Variants in LCLAT1 observed in about 807,000 individuals in gnomAD.
LCLAT1 encodes the protein 1-AGP acyltransferase 8.
A neutral mutation model predicts 30.7 loss-of-function variants in LCLAT1; 11 were observed. The ratio of observed to expected loss-of-function variants is 0.36; its 90% CI spans 0.23 to 0.59. The LOEUF is 0.59. LCLAT1 is among the 20% of genes least tolerant of loss of function. The probability of loss-of-function intolerance (pLI) is 0.77; values close to 1 mark genes in which losing one functional copy is unlikely to be tolerated. For missense variants in LCLAT1, 402 were observed against 458.6 expected (o/e 0.88, Z 1.13); for synonymous variants, 155 against 151.3 (o/e 1.02, Z -0.18).
intron 1 of LCLAT1, among the ~76,000 whole-genome samples, chr2:30,511,610 C>T (rs1406491723): frequency 1.3e-5 from 2 of 152,120 alleles, no homozygotes; most frequent in Non-Finnish European, 1.5e-5. Flanking sequence ...GATCTTGTTG[C>T]CAGCCATCTG....
intron 1 of LCLAT1, among the ~76,000 whole-genome samples, chr2:30,494,673 CT>C (rs577787239): frequency 0.028 from 3,967 of 143,654 alleles, 129 homozygotes; most frequent in African/African-American, 0.087. Context: ...CATTCTTTTA[CT>C]TTTTTTTTTT....
At chr2:30,616,212 G>A (rs549516697) in intron 5 of LCLAT1, among the ~76,000 whole-genome samples, 1 of 152,302 alleles carries the variant, frequency 6.6e-6, no homozygotes, top group African/African-American at 2.4e-5. Context: ...GGTGGAGGGA[G>A]TACTTAGCAG....
At chr2:30,582,208 C>A (rs1666238072) in intron 5 of LCLAT1, among the ~76,000 whole-genome samples, 1 of 151,576 alleles carries the variant, frequency 6.6e-6, no homozygotes, top group African/African-American at 2.4e-5. Context: ...CACCCCTGCC[C>A]CTGCCCCCCT....
rs762534567 is a variant in LCLAT1, at chr2:30,587,230, C to G, written c.628+19054C>G. ...AAGACTTCTGAGATCTCTTTTAATT[C>G]TAATATTTGATAATTTTCTGAGATT... is the stretch of plus-strand genomic sequence containing the variant. On this transcript the variant is annotated intron_variant, in intron 5 of 5. Coordinates refer to ENST00000379509, the MANE Select transcript of LCLAT1 (RefSeq NM_001002257.3). Among the ~76,000 whole-genome samples the G allele has an allele frequency of 2.4e-4, 36 of 152,264 alleles. 1 individual carries two copies. The highest frequency in any genetic ancestry group is 3.4e-3 in the Middle Eastern group (1 of 294).
intron 5 of LCLAT1, among the ~76,000 whole-genome samples, chr2:30,611,996 A>G (rs914452915): frequency 5.9e-5 from 9 of 151,906 alleles, no homozygotes; most frequent in African/African-American, 2.2e-4. Context: ...TGTCCTGTGG[A>G]TAGAAAGAAA....
chr2:30,472,188 T>G (rs935249415), intron 1 of LCLAT1, among the ~76,000 whole-genome samples: 1 of 152,232 alleles, frequency 6.6e-6, no homozygotes, highest in Non-Finnish European at 1.5e-5. Context: ...CCTTAGGGCT[T>G]ACATGGGCAA....
chr2:30,603,626 G>C (rs1030350044), intron 5 of LCLAT1, among the ~76,000 whole-genome samples: 1 of 152,052 alleles, frequency 6.6e-6, no homozygotes, highest in Non-Finnish European at 1.5e-5. Context: ...TGTAACAAAA[G>C]AGTAAACTAA....
intron 5 of LCLAT1, among the ~76,000 whole-genome samples, chr2:30,592,744 A>G (rs377042903): frequency 6.6e-6 from 1 of 152,178 alleles, no homozygotes; most frequent in Non-Finnish European, 1.5e-5. Context: ...AGTAGGTCCA[A>G]TAGGACCTGT....
chr2:30,549,770 A>G (rs893955325), intron 3 of LCLAT1, among the ~76,000 whole-genome samples: 8 of 152,206 alleles, frequency 5.3e-5, no homozygotes, highest in Non-Finnish European at 7.4e-5. Flanking sequence ...GACCTGGGGG[A>G]AAATGAATTA....
At chr2:30,506,811 A>G (rs1183197616) in intron 1 of LCLAT1, among the ~76,000 whole-genome samples, 1 of 152,168 alleles carries the variant, frequency 6.6e-6, no homozygotes, top group Non-Finnish European at 1.5e-5. Flanking sequence ...TGTTCATCAG[A>G]ATGAGGCTGT....
At position 30,451,380 on chromosome 2, in the gene LCLAT1, A is replaced by T. The variant is rs1430124950; in HGVS notation, c.-5+3997A>T. On this transcript the variant is annotated intron_variant, in intron 1 of 5. Transcript: ENST00000379509. ...GTGGCTTTGTCTACTCCTACCCGTGATCAAATGCTTGCATTCCTAGGTATA... is the reference window on the plus strand; with the variant it reads ...GTGGCTTTGTCTACTCCTACCCGTGTTCAAATGCTTGCATTCCTAGGTATA... Among the ~76,000 whole-genome samples, 6 of 152,246 alleles carry T rather than the reference A, an allele frequency of 3.9e-5. No individual in the cohort carries two copies. The East Asian group carries it at 1.2e-3, about 29-fold the overall frequency.
chr2:30,613,155 A>G (rs1667822288), intron 5 of LCLAT1, among the ~76,000 whole-genome samples: 1 of 152,140 alleles, frequency 6.6e-6, no homozygotes, highest in South Asian at 2.1e-4. Flanking sequence ...AAGTCACATG[A>G]GCAGTAGCAG....
chr2:30,589,173 T>C (rs1234155684), intron 5 of LCLAT1, among the ~76,000 whole-genome samples: 1 of 152,230 alleles, frequency 6.6e-6, no homozygotes, highest in Non-Finnish European at 1.5e-5. Flanking sequence ...CCTACAGACA[T>C]AGTTCTTTCA....
intron 3 of LCLAT1, among the ~76,000 whole-genome samples, chr2:30,546,607 C>T (rs993480111): frequency 6.6e-6 from 1 of 152,054 alleles, no homozygotes; most frequent in Non-Finnish European, 1.5e-5. Flanking sequence ...AATAAATGTG[C>T]CATTGCTAAC....
At chr2:30,448,977 C>A (rs1662949) in intron 1 of LCLAT1, among the ~76,000 whole-genome samples, 2 of 152,168 alleles carry the variant, frequency 1.3e-5, no homozygotes, top group Non-Finnish European at 2.9e-5. Context: ...AAATTTATTC[C>A]TCTGCATTCA....
intron 5 of LCLAT1, among the ~76,000 whole-genome samples, chr2:30,609,739 T>C (rs913796534): frequency 4.6e-5 from 7 of 152,138 alleles, no homozygotes; most frequent in Non-Finnish European, 1.5e-5. Flanking sequence ...TCTACTACAC[T>C]CACCTCACTT....
chr2:30,457,225 A>G (rs1681879222), intron 1 of LCLAT1, among the ~76,000 whole-genome samples: 1 of 152,134 alleles, frequency 6.6e-6, no homozygotes, highest in Admixed American at 6.6e-5. Flanking sequence ...TATGGAGGGG[A>G]TTAACTCCAG....
chr2:30,551,302 T>C (rs1664668089), intron 3 of LCLAT1, among the ~76,000 whole-genome samples: 1 of 152,196 alleles, frequency 6.6e-6, no homozygotes, highest in South Asian at 2.1e-4. Context: ...CCACTGCGCC[T>C]AGCCTGGGAG....
chr2:30,462,627 A>G (rs1023345812), intron 1 of LCLAT1, among the ~76,000 whole-genome samples: 28 of 152,358 alleles, frequency 1.8e-4, no homozygotes, highest in African/African-American at 6.7e-4. Context: ...AAGTTGCAGC[A>G]TAGTCTTTTA....
Sources: allele counts gnomAD v4.1 joint callset (sites outside exome capture counted in the v4.1 genomes callset), GRCh38; gene constraint gnomAD v4.1.1; transcripts MANE v1.5; gene names NCBI Gene and HGNC (gene_info 2026-07-23, HGNC 2026-07-21).